The following RANBP2 variants were observed in gnomAD, a reference collection of about 807,000 sequenced individuals.
The protein encoded by RANBP2 is RAN binding protein 2.
Under a neutral mutation model 303.6 loss-of-function variants are expected in RANBP2, and 57 were observed. The ratio of observed to expected loss-of-function variants is 0.19; its 90% CI spans 0.15 to 0.23. The LOEUF is 0.23. Among genes scored for constraint, RANBP2 ranks in the 10% least tolerant of loss-of-function variants. The pLI is 1.00. For missense variants in RANBP2, 3,138 were observed against 3,780.8 expected (o/e 0.83, Z 4.46); for synonymous variants, 1,167 against 1,301.5 (o/e 0.90, Z 2.23).
the RANBP2 span, chr2:109,665,813 A>T: frequency 6.6e-6 from 1 of 152,112 alleles, no homozygotes; most frequent in Non-Finnish European, 1.5e-5. Flanking sequence ...ATAAATAAAT[A>T]GTAAGAACCT....
chr2:109,167,319 G>A, the RANBP2 span, among the ~76,000 whole-genome samples: 6 of 152,296 alleles, frequency 3.9e-5, no homozygotes, highest in South Asian at 1.2e-3. Context: ...ATTAGAACAA[G>A]ACTTCTCAGC....
the RANBP2 span, among the ~76,000 whole-genome samples, chr2:109,143,695 A>T: frequency 6.6e-6 from 1 of 152,286 alleles, no homozygotes; most frequent in East Asian, 1.9e-4. Flanking sequence ...TTGAGGCTGC[A>T]GTGAGCCGTG....
At chr2:109,039,601 G>A in the RANBP2 span, among the ~76,000 whole-genome samples, 7 of 152,198 alleles carry the variant, frequency 4.6e-5, no homozygotes, top group Admixed American at 3.3e-4. Context: ...TGCCCACCTC[G>A]GCCTCCCAAA....
the RANBP2 span, among the ~76,000 whole-genome samples, chr2:108,966,509 C>T: frequency 6.6e-6 from 1 of 152,210 alleles, no homozygotes; most frequent in Admixed American, 6.5e-5. Context: ...AGCCTGTGGT[C>T]TCAGCCATAC....
At chr2:108,860,362 T>G in the RANBP2 span, among the ~76,000 whole-genome samples, 3 of 152,156 alleles carry the variant, frequency 2.0e-5, no homozygotes, top group Non-Finnish European at 4.4e-5. Context: ...GCTAGGACTT[T>G]AGTACTTTGT....
At chr2:109,307,692 C>T in the RANBP2 span, among the ~76,000 whole-genome samples, 17 of 146,952 alleles carry the variant, frequency 1.2e-4, no homozygotes, top group East Asian at 2.2e-3. Context: ...TTTGCTCTTG[C>T]GATAGTTTAC....
the RANBP2 span, among the ~76,000 whole-genome samples, chr2:109,431,669 C>G: frequency 6.6e-6 from 1 of 152,114 alleles, no homozygotes; most frequent in Non-Finnish European, 1.5e-5. Flanking sequence ...ACTAGGAGCT[C>G]AAGACCAGTC....
At chr2:109,332,553 G>A in the RANBP2 span, among the ~76,000 whole-genome samples, 3 of 152,184 alleles carry the variant, frequency 2.0e-5, no homozygotes, top group African/African-American at 4.8e-5. Context: ...CGAGCTCCCC[G>A]CAGTTCAGCC....
At chr2:109,698,665 A>G in the RANBP2 span, among the ~76,000 whole-genome samples, 4 of 148,850 alleles carry the variant, frequency 2.7e-5, no homozygotes, top group African/African-American at 9.8e-5. Context: ...GTGGGTCACA[A>G]TTTTTACCTT....
chr2:108,876,505 G>C, the RANBP2 span: 2 of 259,642 alleles, frequency 7.7e-6, no homozygotes, highest in Non-Finnish European at 1.4e-5. Context: ...GTGACTTTTT[G>C]TAAAAATATA....
the RANBP2 span, among the ~76,000 whole-genome samples, chr2:108,952,792 C>T: frequency 6.6e-6 from 1 of 152,186 alleles, no homozygotes; most frequent in Non-Finnish European, 1.5e-5. Flanking sequence ...ATATGCCAGA[C>T]ATCGTAATGA....
chr2:108,992,643 G>A, the RANBP2 span, among the ~76,000 whole-genome samples: 13 of 152,316 alleles, frequency 8.5e-5, no homozygotes, highest in East Asian at 1.7e-3. Flanking sequence ...TCCAGGAAAT[G>A]ACATTGCTCA....
At position 108,772,522 on chromosome 2, in the gene RANBP2, A is replaced by T. The variant is rs1677579465; in HGVS notation, c.8054A>T (p.Asn2685Ile). The change falls in exon 22 of 29, where the codon AAT (asparagine) becomes ATT (isoleucine). Residue 2685 changes from asparagine to isoleucine, a missense_variant. By Grantham distance (149) the Asn-to-Ile change is moderately radical. Coordinates refer to ENST00000283195, the MANE Select transcript of RANBP2 (RefSeq NM_006267.5). Reference protein sequence around the residue: ...EDFETAVKKLNGKLYLDGSEK... With the variant: ...EDFETAVKKLIGKLYLDGSEK... The stretch of plus-strand genomic sequence containing the variant: ...TTCGAAACAGCTGTCAAGAAACTTA[A>T]TGGAAAACTATATTTGGATGGCTCA... 6.2e-7 allele frequency: 1 copy of T among 1,613,708 alleles called. No homozygotes were observed. Among genetic ancestry groups the T allele is most frequent in the Non-Finnish European group, 8.5e-7 (1 of 1,179,846 alleles).
At chr2:109,453,825 C>T in the RANBP2 span, among the ~76,000 whole-genome samples, 1 of 152,182 alleles carries the variant, frequency 6.6e-6, no homozygotes, top group African/African-American at 2.4e-5. Flanking sequence ...GCCTGGTCAG[C>T]CCAGGTCAGG....
At chr2:109,139,780 G>A in the RANBP2 span, among the ~76,000 whole-genome samples, 1 of 152,242 alleles carries the variant, frequency 6.6e-6, no homozygotes, top group Non-Finnish European at 1.5e-5. Flanking sequence ...GAACAATGGA[G>A]TTTAAGACTT....
chr2:108,914,055 G>C, the RANBP2 span, among the ~76,000 whole-genome samples: 1 of 151,904 alleles, frequency 6.6e-6, no homozygotes, highest in African/African-American at 2.4e-5. Flanking sequence ...GAGGTCAGGA[G>C]TTCAAGACTA....
the RANBP2 span, among the ~76,000 whole-genome samples, chr2:109,356,314 C>T: frequency 6.6e-6 from 1 of 152,296 alleles, no homozygotes; most frequent in Middle Eastern, 3.4e-3. Flanking sequence ...GAATTTCCCA[C>T]ATTGATATTT....
At chr2:109,655,842 C>G in the RANBP2 span, among the ~76,000 whole-genome samples, 2 of 152,120 alleles carry the variant, frequency 1.3e-5, no homozygotes, top group African/African-American at 4.8e-5. Context: ...ATAAGCAACT[C>G]GTTTTCAGAG....
At chr2:108,777,641 G>C (rs1221944327) in intron 25 of RANBP2, among the ~76,000 whole-genome samples, 1 of 152,000 alleles carries the variant, frequency 6.6e-6, no homozygotes, top group Non-Finnish European at 1.5e-5. Flanking sequence ...TTAGGGTTGT[G>C]CTAATTTATT....
Sources: gnomAD v4.1 joint callset for allele counts (sites outside exome capture counted in the v4.1 genomes callset) on GRCh38, gnomAD v4.1.1 for gene constraint, MANE v1.5 for transcripts, NCBI Gene and HGNC (gene_info 2026-07-23, HGNC 2026-07-21) for gene names.